FAM193B: variants seen among roughly 807,000 people sequenced by gnomAD.
FAM193B encodes family with sequence similarity 193 member B.
In FAM193B, 27 loss-of-function variants were observed where a neutral mutation model predicts 70.7. That is an observed-to-expected ratio of 0.38 (90% confidence interval 0.28 to 0.53). FAM193B has a LOEUF of 0.53. Ranked by LOEUF, FAM193B falls within the 20% of genes least tolerant of loss-of-function variation. FAM193B has a pLI of 0.81. For synonymous variants in FAM193B, 448 were observed against 436.0 expected (o/e 1.03, Z -0.34); for missense variants, 1,022 against 1,072.5 (o/e 0.95, Z 0.66).
chr5:177,523,749 C>T (rs1485451999), intron 7 of FAM193B, among the ~76,000 whole-genome samples: 1 of 152,284 alleles, frequency 6.6e-6, no homozygotes, highest in Admixed American at 6.5e-5. Flanking sequence ...ATCTCTTGCA[C>T]CTTCCCAGAT....
At chr5:177,541,543 C>T (rs1427833228) in intron 1 of FAM193B, among the ~76,000 whole-genome samples, 4 of 152,260 alleles carry the variant, frequency 2.6e-5, no homozygotes, top group Non-Finnish European at 4.4e-5. Flanking sequence ...CTCAGCCTCC[C>T]GAGTAGCCGG....
chr5:177,551,921 G>T, intron 1 of FAM193B: 1 of 559,090 alleles, frequency 1.8e-6, no homozygotes, highest in Non-Finnish European at 2.3e-6. Context: ...ACAAAAGCCT[G>T]CTTCCAGACC....
intron 5 of FAM193B, among the ~76,000 whole-genome samples, chr5:177,529,630 G>A (rs1397898712): frequency 6.6e-6 from 1 of 152,136 alleles, no homozygotes; most frequent in Non-Finnish European, 1.5e-5. Context: ...TATGAAGGAG[G>A]AAACAGCTGA....
Position 177,525,018 on chromosome 5 carries a change from G to A in FAM193B, c.1463C>T (p.Ala488Val), listed in dbSNP as rs369061810. 1 of 1,554,778 alleles carries A rather than the reference G, an allele frequency of 6.4e-7. No individual in the cohort carries two copies. The highest frequency in any genetic ancestry group is 1.7e-4 in the Middle Eastern group (1 of 5,776). ...GCTGAGCTCACACACACTGAAGCTG[G>A]CACGGATGGAGTCTTTGACAGTGTT... is the stretch of plus-strand genomic sequence containing the variant. The part of the protein sequence containing the change: ...IKNTVKDSIR[A>V]SFSVCELSMD... The change falls in exon 6 of 9, where the codon GCC becomes GTC. Residue 488 changes from alanine (A) to valine (V), a missense_variant. Transcript: ENST00000514747.
At chr5:177,520,958 C>T (rs1194862634) in intron 8 of FAM193B, among the ~76,000 whole-genome samples, 2 of 152,220 alleles carry the variant, frequency 1.3e-5, no homozygotes, top group Non-Finnish European at 2.9e-5. Context: ...GTCCTGGCTG[C>T]AGGCTCTCTG....
chr5:177,552,808 A>G (rs1487487699), intron 1 of FAM193B, among the ~76,000 whole-genome samples: 1 of 152,242 alleles, frequency 6.6e-6, no homozygotes, highest in South Asian at 2.1e-4. Context: ...ATTTTCATTA[A>G]TTAAAAACCT....
rs191090692 is a variant in FAM193B, at chr5:177,532,195, T to A, written c.1275+248A>T. ...GCTTTCTCTCTGCCATTTCCTTTCC[T>A]TTTGCCTAAGGAAAAAAAGTCAATC... On this transcript the variant is annotated intron_variant, in intron 5 of 8. Transcript: ENST00000514747. This position sits in a 1 kb window ranked among gnomAD's most constrained non-coding sequence, Gnocchi z 4.9. The A allele has an allele frequency of 5.4e-6, 8 of 1,493,816 alleles. No homozygotes were observed. The highest frequency in any genetic ancestry group is 1.4e-5 in the African/African-American group (1 of 71,736). 92.5% of individuals were successfully genotyped at this position (1,493,816 alleles called of 1,614,324 possible). A position where few individuals can be genotyped will look rare whatever the true frequency, so the allele number is the denominator to read the frequency against.
chr5:177,532,451 G>A lies in FAM193B; in HGVS notation c.1267C>T (p.His423Tyr). 6.2e-7 allele frequency: 1 copy of A among 1,610,352 alleles called. No homozygotes were observed. The highest frequency in any genetic ancestry group is 8.5e-7 in the Non-Finnish European group (1 of 1,178,620). ...CDCCYCEFFG[H>Y]NAEKEKAQLA... is the part of the protein sequence containing the mutation. Reference sequence around the variant, plus strand: ...TGGGCAGGCTCACTCACCGCATTGTGGCCGAAGAACTCACAGTAGCAGCAG... The same window carrying A: ...TGGGCAGGCTCACTCACCGCATTGTAGCCGAAGAACTCACAGTAGCAGCAG... The change falls in exon 5 of 9, where the codon CAC (histidine) becomes TAC (tyrosine). Residue 423 changes from histidine (H) to tyrosine (Y), a missense_variant. His to Tyr is a moderately conservative substitution (Grantham distance 83). Transcript: ENST00000514747. This position sits in a 1 kb window ranked among gnomAD's most constrained non-coding sequence, Gnocchi z 4.9.
intron 1 of FAM193B, among the ~76,000 whole-genome samples, chr5:177,548,307 G>A (rs373020627): frequency 3.3e-5 from 5 of 152,218 alleles, no homozygotes; most frequent in African/African-American, 1.2e-4. Flanking sequence ...TGTCCCACAA[G>A]TCACTGTATT....
At chr5:177,549,094 C>T (rs997486375) in intron 1 of FAM193B, among the ~76,000 whole-genome samples, 2 of 151,944 alleles carry the variant, frequency 1.3e-5, no homozygotes, top group Admixed American at 1.3e-4. Flanking sequence ...ACCCTGACAC[C>T]AAATATCTAC....
intron 5 of FAM193B, among the ~76,000 whole-genome samples, chr5:177,529,205 G>T (rs900978017): frequency 1.3e-5 from 2 of 151,366 alleles, no homozygotes; most frequent in African/African-American, 4.8e-5. Flanking sequence ...CCCACTGTCA[G>T]CCCATGACTC....
intron 3 of FAM193B, 61 bp downstream of exon 3, chr5:177,537,812 T>C: frequency 1.3e-6 from 2 of 1,525,308 alleles, no homozygotes; most frequent in African/African-American, 1.4e-5. Flanking sequence ...ACAAAGTGGA[T>C]AGGAAAACAC....
chr5:177,524,137 G>A (rs1762205811), intron 6 of FAM193B, 48 bp downstream of exon 6: 1 of 1,598,878 alleles, frequency 6.3e-7, no homozygotes, highest in Non-Finnish European at 8.5e-7. Flanking sequence ...TCCACCCCGT[G>A]GACTGGCTGG....
At chr5:177,522,791 T>C (rs1265591633) in intron 7 of FAM193B, among the ~76,000 whole-genome samples, 1 of 152,268 alleles carries the variant, frequency 6.6e-6, no homozygotes, top group Non-Finnish European at 1.5e-5. Flanking sequence ...CTTGGCTTAC[T>C]GCAACCTCTG....
chr5:177,538,126 A>G lies in FAM193B; in HGVS notation c.454-19T>C. 1 of 1,523,784 alleles carries G rather than the reference A, an allele frequency of 6.6e-7. No homozygotes were observed. Among genetic ancestry groups the G allele is most frequent in the Non-Finnish European group, 8.9e-7 (1 of 1,128,034 alleles). The allele number at this position is 1,523,784 out of a possible 1,614,324, so 94.4% of individuals were successfully genotyped here. ...AGGAGATCTGGAGAAGGGGGAGGAA[A>G]AAGGCTCACGGTCAAACAGCAAACA... On this transcript the variant is annotated intron_variant, in intron 2 of 8. Transcript: ENST00000514747. The surrounding 1 kb of genome is among the most constrained non-coding windows in gnomAD (Gnocchi z 4.1).
chr5:177,536,422 C>G lies in FAM193B; in HGVS notation c.1012G>C (p.Gly338Arg), dbSNP rs1764168482. The G allele has an allele frequency of 6.2e-6, 10 of 1,604,534 alleles. No homozygotes were observed. The South Asian group carries it at 1.1e-4, about 18-fold the overall frequency. Reference sequence around the variant, plus strand: ...AGGAGAGGCCCACTGCAGTGCCCACCACAGTGCCCGCTGCAGGGGTGGCTG... The same window carrying G: ...AGGAGAGGCCCACTGCAGTGCCCACGACAGTGCCCGCTGCAGGGGTGGCTG... ...GCSHPCSGHC[G>R]GHCSGPLLPP... Residue 338 changes from glycine to arginine, a missense_variant, in exon 4 of 9, where the codon GGT (glycine) becomes CGT (arginine). Gly to Arg is a moderately radical substitution (Grantham distance 125, BLOSUM62 -2). Coordinates refer to ENST00000514747, the MANE Select transcript of FAM193B (RefSeq NM_001190946.3).
chr5:177,525,562 G>A, intron 5 of FAM193B: 1 of 195,586 alleles, frequency 5.1e-6, no homozygotes, highest in Non-Finnish European at 1.0e-5. Context: ...ACCCCTACGG[G>A]TGGTGGGGAA....
At chr5:177,522,466 A>G (rs939923377) in intron 7 of FAM193B, among the ~76,000 whole-genome samples, 1 of 152,004 alleles carries the variant, frequency 6.6e-6, no homozygotes, top group Non-Finnish European at 1.5e-5. Context: ...TTTGCATAAA[A>G]CCTGCACTGC....
rs1235547573 is a variant in FAM193B at position 177,532,461 on chromosome 5, C to T, written c.1257G>A (p.Glu419=). The change falls in exon 5 of 9, where the codon GAG becomes GAA. Residue 419 remains glutamate (E), a synonymous_variant. Coordinates refer to ENST00000514747, the MANE Select transcript of FAM193B (RefSeq NM_001190946.3). This position sits in a 1 kb window ranked among gnomAD's most constrained non-coding sequence, Gnocchi z 4.9. ...CACTCACCGCATTGTGGCCGAAGAA[C>T]TCACAGTAGCAGCAGTCACAGAACT... ...DGKFCDCCYC[E]FFGHNAEKEK... 1 of 1,611,554 alleles carries T rather than the reference C, an allele frequency of 6.2e-7. No individual in the cohort carries two copies. The highest frequency in any genetic ancestry group is 1.1e-5 in the South Asian group (1 of 90,220).
Sources: allele counts gnomAD v4.1 joint callset (sites outside exome capture counted in the v4.1 genomes callset), GRCh38; gene constraint gnomAD v4.1.1; non-coding constraint Gnocchi (gnomAD v3.1); transcripts MANE v1.5; gene names NCBI Gene and HGNC (gene_info 2026-07-23, HGNC 2026-07-21).